ESPNL: variants seen among roughly 807,000 people sequenced by gnomAD.
The protein encoded by ESPNL is espin-like protein.
A neutral mutation model predicts 46.8 loss-of-function variants in ESPNL; 49 were observed. The observed-to-expected ratio is 1.05, with a 90% CI of 0.83 to 1.33. ESPNL has a LOEUF of 1.33. Ranked by LOEUF, ESPNL falls within the 40% of genes most tolerant of loss-of-function variation. The pLI is 0.00. For missense variants in ESPNL, 1,540 were observed against 1,436.6 expected, an observed-to-expected ratio of 1.07 and a Z score of -1.16; for synonymous variants, 664 against 662.1, an observed-to-expected ratio of 1.00 and a Z score of -0.04.
chr2:238,121,191 C>T (rs943540675), intron 5 of ESPNL, among the ~76,000 whole-genome samples: 1 of 152,148 alleles, frequency 6.6e-6, no homozygotes, highest in Non-Finnish European at 1.5e-5. Flanking sequence ...CGAGGCAGGC[C>T]CCCTCCCCTC....
intron 3 of ESPNL, among the ~76,000 whole-genome samples, chr2:238,105,527 A>G (rs1467294789): frequency 6.6e-6 from 1 of 151,754 alleles, no homozygotes; most frequent in African/African-American, 2.4e-5. Context: ...AAAAAAAAAA[A>G]AAAAAGAGTA....
intron 3 of ESPNL, among the ~76,000 whole-genome samples, chr2:238,105,418 CAGG>C (rs201014006): frequency 0.014 from 2,073 of 150,250 alleles, 40 homozygotes; most frequent in African/African-American, 0.048. Flanking sequence ...GAGGCTGAGG[CAGG>C]AGAAGTGCTT....
chr2:238,117,093 C>A, intron 5 of ESPNL, 59 bp downstream of exon 5: 3 of 1,544,436 alleles, frequency 1.9e-6, no homozygotes, highest in Non-Finnish European at 2.6e-6. Context: ...AGACCCCAGC[C>A]AGGACCCCAC....
At chr2:238,118,235 G>GA (rs541981222) in intron 5 of ESPNL, among the ~76,000 whole-genome samples, 64 of 141,072 alleles carry the variant, frequency 4.5e-4, no homozygotes, top group African/African-American at 1.6e-3. Flanking sequence ...GATGGAGGAG[G>GA]GTGGATGGAG....
chr2:238,130,013 T>A, intron 8 of ESPNL, 115 bp from the exon 9 acceptor site: 1 of 1,206,284 alleles, frequency 8.3e-7, no homozygotes, highest in Non-Finnish European at 1.1e-6. Flanking sequence ...AGTCTTACCT[T>A]GGGGCAGGAC....
At chr2:238,130,085 G>C (rs1393865624) in intron 8 of ESPNL, 43 bp from the exon 9 acceptor site, 2 of 1,573,268 alleles carry the variant, frequency 1.3e-6, no homozygotes, top group Non-Finnish European at 1.7e-6. Context: ...CTGATGGTGG[G>C]TGGGTGGGCT....
intron 6 of ESPNL, among the ~76,000 whole-genome samples, chr2:238,126,738 CTGTG>C (rs199729922): frequency 3.4e-5 from 5 of 146,752 alleles, no homozygotes; most frequent in South Asian, 4.4e-4. Context: ...ATGATTGTGT[CTGTG>C]TGTATCTGTG....
At chr2:238,124,015 C>G (rs1692044029) in intron 5 of ESPNL, among the ~76,000 whole-genome samples, 1 of 152,256 alleles carries the variant, frequency 6.6e-6, no homozygotes, top group South Asian at 2.1e-4. Context: ...GCCAACTTCA[C>G]TGCAGTCCGG....
chr2:238,123,827 G>A (rs1184220523), intron 5 of ESPNL, among the ~76,000 whole-genome samples: 5 of 152,170 alleles, frequency 3.3e-5, no homozygotes, highest in Non-Finnish European at 5.9e-5. Flanking sequence ...AGTGAGGTGC[G>A]TGGGGGCCGG....
In ESPNL at chr2:238,100,715, T is replaced by A. The variant is rs200038008; in HGVS notation, c.294+2T>A. 1.4e-6 allele frequency: 2 copies of A among 1,412,940 alleles called. No individual in the cohort carries two copies. Among genetic ancestry groups the A allele is most frequent in the East Asian group, 5.7e-5 (2 of 35,272 alleles). The allele number at this position is 1,412,940 out of a possible 1,614,324, so 87.5% of individuals were successfully genotyped here. A position where few individuals can be genotyped will look rare whatever the true frequency, so the allele number is the denominator to read the frequency against. On this transcript the variant is annotated splice_donor_variant, in intron 1 of 8. Transcript: ENST00000343063. LOFTEE classifies it high-confidence loss of function. The stretch of plus-strand genomic sequence containing the variant: ...CGCGAGGGGGGCTGCGGTCTGCAGG[T>A]GAGCGGGGATGGGGCAGCCTGGCTC...
At position 238,125,313 on chromosome 2, in the gene ESPNL, C is replaced by T; in HGVS notation, c.1031C>T (p.Pro344Leu). The change falls in exon 6 of 9, where the codon CCT becomes CTT. Residue 344 changes from proline (P) to leucine (L), a missense_variant. By Grantham distance (98) the Pro-to-Leu change is moderately conservative (BLOSUM62 -3). Transcript: ENST00000343063. ...CCCCCACCACCACCGTTCCCCCCAC[C>T]TCCACTGTTGGCCACGAGGCGCTCC... Reference protein sequence around the residue: ...MTPPPPPFPPPPLLATRRSLE... With the variant: ...MTPPPPPFPPLPLLATRRSLE... The T allele has an allele frequency of 6.4e-7, 1 of 1,569,128 alleles. No individual in the cohort carries two copies.
chr2:238,109,972 G>A (rs1319406295), intron 4 of ESPNL, among the ~76,000 whole-genome samples: 1 of 146,084 alleles, frequency 6.8e-6, no homozygotes, highest in Non-Finnish European at 1.5e-5. Context: ...GATGCCACAC[G>A]TTACCGAGTG....
chr2:238,131,243 G>A lies in ESPNL; in HGVS notation c.2529G>A (p.Val843=), dbSNP rs746389613. The change falls in exon 9 of 9, where the codon GTG becomes GTA. Residue 843 remains valine (V), a synonymous_variant. Coordinates refer to ENST00000343063, the MANE Select transcript of ESPNL (RefSeq NM_194312.4). The part of the protein sequence containing the change: ...ALSPEQFLPH[V]DGAPVPYSSL... ...CCCCCGAGCAGTTCCTGCCCCACGT[G>A]GACGGGGCTCCGGTGCCCTACAGCA... The A allele has an allele frequency of 7.0e-6, 11 of 1,566,472 alleles. No homozygotes were observed. The highest frequency in any genetic ancestry group is 8.6e-6 in the Non-Finnish European group (10 of 1,158,832).
chr2:238,106,468 A>G (rs1331649090), intron 3 of ESPNL, among the ~76,000 whole-genome samples: 2 of 152,142 alleles, frequency 1.3e-5, no homozygotes, highest in Non-Finnish European at 2.9e-5. Context: ...TGGAGACTGC[A>G]GCCCCTCCCG....
chr2:238,131,205 C>T lies in ESPNL; in HGVS notation c.2491C>T (p.Arg831Cys), dbSNP rs764286568. The T allele has an allele frequency of 8.4e-6, 13 of 1,545,872 alleles. No homozygotes were observed. Among genetic ancestry groups the T allele is most frequent in the Middle Eastern group, 1.7e-4 (1 of 5,986 alleles). ...RQLRRLSRQP[R>C]GALSPEQFLP... ...GCTGCGGCGGCTGAGCCGGCAGCCC[C>T]GCGGGGCTTTGTCCCCCGAGCAGTT... The change falls in exon 9 of 9, where the codon CGC becomes TGC. Residue 831 changes from arginine to cysteine, a missense_variant. Physicochemically the swap from Arg to Cys is radical, Grantham distance 180. Transcript: ENST00000343063.
rs1161491122 is a variant in ESPNL at position 238,128,868 on chromosome 2, GGC to G, written c.1382_1383del (p.Arg461ProfsTer45). On this transcript the variant is annotated frameshift_variant, in exon 8 of 9. Transcript: ENST00000343063. LOFTEE classifies it low-confidence loss of function (END_TRUNC). ...GGCAGGTGATGGTGCGGAAGCTGCA[GGC>G]GCGCCTGGGCGCAGAGAGCTCCGCA... ...KRQVMVRKLQ[A>X]RLGAESSAEA... 31 of 1,545,358 alleles carry G rather than the reference GGC, an allele frequency of 2.0e-5. No individual in the cohort carries two copies. The highest frequency in any genetic ancestry group is 2.5e-5 in the Non-Finnish European group (29 of 1,146,602).
chr2:238,102,035 C>G lies in ESPNL; in HGVS notation c.389C>G (p.Ala130Gly), dbSNP rs767617557. The change falls in exon 2 of 9, where the codon GCC (alanine) becomes GGC (glycine). Residue 130 changes from alanine (A) to glycine (G), a missense_variant. Transcript: ENST00000343063. Reference sequence around the variant, plus strand: ...TGGCTGCTCCACGAGGGCCACTCGGCCACGCTAGAGACCCGGGAGGGAGCC... The same window carrying G: ...TGGCTGCTCCACGAGGGCCACTCGGGCACGCTAGAGACCCGGGAGGGAGCC... ...VEWLLHEGHS[A>G]TLETREGARP... 1 of 1,605,186 alleles carries G rather than the reference C, an allele frequency of 6.2e-7. No homozygotes were observed. Among genetic ancestry groups the G allele is most frequent in the Non-Finnish European group, 8.5e-7 (1 of 1,177,438 alleles).
Position 238,104,856 on chromosome 2 carries a change from A to G in ESPNL, c.672+14A>G. ...GTCGTCTGGCTGGTAAGTGGGTGCCAGAGGTGGGAAGGGGACATCCAGGGA... is the reference window on the plus strand; with the variant it reads ...GTCGTCTGGCTGGTAAGTGGGTGCCGGAGGTGGGAAGGGGACATCCAGGGA... On this transcript the variant is annotated intron_variant, in intron 3 of 8. Coordinates refer to ENST00000343063, the MANE Select transcript of ESPNL (RefSeq NM_194312.4). 1 of 1,470,228 alleles carries G rather than the reference A, an allele frequency of 6.8e-7. No homozygotes were observed. Among genetic ancestry groups the G allele is most frequent in the Non-Finnish European group, 9.0e-7 (1 of 1,106,670 alleles). 91.1% of individuals were successfully genotyped at this position (1,470,228 alleles called of 1,614,324 possible). A position where few individuals can be genotyped will look rare whatever the true frequency, so the allele number is the denominator to read the frequency against.
chr2:238,107,806 A>G lies in ESPNL; in HGVS notation c.688A>G (p.Ile230Val), dbSNP rs1208635357. The change falls in exon 4 of 9, where the codon ATC becomes GTC. Residue 230 changes from isoleucine (I) to valine (V), a missense_variant. Transcript: ENST00000343063. The stretch of plus-strand genomic sequence containing the variant: ...CCTTCCCCAGGTCACATTCACCGAC[A>G]TCGGACTCACGGCACGGGACAATGA... ...LVVWLVTFTD[I>V]GLTARDNEGA... The G allele has an allele frequency of 3.8e-6, 6 of 1,596,672 alleles. No homozygotes were observed. Among genetic ancestry groups the G allele is most frequent in the South Asian group, 2.3e-5 (2 of 88,606 alleles).
Sources: gnomAD v4.1 joint callset for allele counts (sites outside exome capture counted in the v4.1 genomes callset) on GRCh38, gnomAD v4.1.1 for gene constraint, MANE v1.5 for transcripts, NCBI Gene and HGNC (gene_info 2026-07-23, HGNC 2026-07-21) for gene names.